Variants in TAPT1 observed in about 807,000 individuals in gnomAD.
The protein encoded by TAPT1 is transmembrane anterior posterior transformation protein 1 homolog.
A neutral mutation model predicts 65.6 loss-of-function variants in TAPT1; 28 were observed. The observed-to-expected ratio is 0.43, with a 90% CI of 0.32 to 0.59. The LOEUF is 0.59. Among genes scored for constraint, TAPT1 ranks in the 20% least tolerant of loss-of-function variants. The pLI is 0.09. For synonymous variants in TAPT1, 278 were observed against 245.2 expected, an observed-to-expected ratio of 1.13 and a Z score of -1.25; for missense variants, 563 against 679.9, an observed-to-expected ratio of 0.83 and a Z score of 1.91.
At chr4:16,167,979 T>C (rs369081327) in intron 12 of TAPT1, among the ~76,000 whole-genome samples, 1 of 152,330 alleles carries the variant, frequency 6.6e-6, no homozygotes, top group East Asian at 1.9e-4. Flanking sequence ...TAGATACCTA[T>C]GACTACAGAA....
intron 1 of TAPT1, among the ~76,000 whole-genome samples, chr4:16,215,784 T>C (rs1344326945): frequency 6.6e-6 from 1 of 152,140 alleles, no homozygotes; most frequent in Non-Finnish European, 1.5e-5. Flanking sequence ...CCACATAGAG[T>C]AGAACTTCTG....
At position 16,166,991 on chromosome 4, in the gene TAPT1, C is replaced by CTTTTTTTT. The variant is rs5856341; in HGVS notation, c.1314-206_1314-199dup. 2.3e-3 allele frequency: 376 copies of CTTTTTTTT among 160,582 alleles called. 1 individual carries two copies. Among genetic ancestry groups the CTTTTTTTT allele is most frequent in the South Asian group, 6.2e-3 (68 of 10,920 alleles). 9.9% of individuals were successfully genotyped at this position (160,582 alleles called of 1,614,324 possible). On this transcript the variant is annotated intron_variant, in intron 12 of 13. Transcript: ENST00000405303. ...AAAAACTTCGGAATTCCTTAGTTCT[C>CTTTTTTTT]TTTTTTTTTTTTTTTTTTTTTGAGA...
intron 4 of TAPT1, 27 bp downstream of exon 4, chr4:16,191,334 C>T: frequency 6.3e-7 from 1 of 1,581,370 alleles, no homozygotes. Context: ...CCTGGCCAGG[C>T]CTGTGCGGGG....
At chr4:16,189,637 A>C (rs1359985882) in intron 4 of TAPT1, among the ~76,000 whole-genome samples, 1 of 152,228 alleles carries the variant, frequency 6.6e-6, no homozygotes, top group Non-Finnish European at 1.5e-5. Context: ...TAATAAAGGA[A>C]GGACTAGGAT....
chr4:16,164,081 G>A (rs546044599), intron 13 of TAPT1, among the ~76,000 whole-genome samples: 9 of 152,234 alleles, frequency 5.9e-5, no homozygotes, highest in African/African-American at 2.2e-4. Context: ...CCTGGCTTTG[G>A]GGACAGCTGG....
intron 3 of TAPT1, among the ~76,000 whole-genome samples, chr4:16,200,328 T>C (rs928360805): frequency 5.3e-5 from 8 of 152,138 alleles, no homozygotes; most frequent in Admixed American, 4.6e-4. Context: ...ATTAGTTATT[T>C]TCTTTCTTTA....
intron 3 of TAPT1, among the ~76,000 whole-genome samples, chr4:16,194,077 GAAC>G (rs1749545871): frequency 2.0e-5 from 3 of 152,170 alleles, no homozygotes; most frequent in South Asian, 4.1e-4. Flanking sequence ...TTGAATCAAA[GAAC>G]AACGTGTTAG....
In TAPT1 at chr4:16,163,448, T is replaced by A; in HGVS notation, c.1564A>T (p.Asn522Tyr). 1.2e-6 allele frequency: 2 copies of A among 1,614,036 alleles called. No homozygotes were observed. Among genetic ancestry groups the A allele is most frequent in the Non-Finnish European group, 1.7e-6 (2 of 1,179,886 alleles). Residue 522 changes from asparagine (N) to tyrosine (Y), a missense_variant, in exon 14 of 14, where the codon AAT becomes TAT. Asn to Tyr is a moderately radical substitution (Grantham distance 143). This residue lies in a region of TAPT1 where 136 missense variants were observed against 153.9 expected (regional missense o/e 0.88). Coordinates refer to ENST00000405303, the MANE Select transcript of TAPT1 (RefSeq NM_153365.3). ...ENIIPLLVTS[N>Y]SDQFLTTPDG... is the part of the protein sequence containing the mutation. ...GGAGTTGTCAAAAACTGATCAGAATTGCTTGTCACAAGTAATGGTATGATA... is the reference window on the plus strand; with the variant it reads ...GGAGTTGTCAAAAACTGATCAGAATAGCTTGTCACAAGTAATGGTATGATA...
rs571476426 is a variant in TAPT1 at position 16,209,023 on chromosome 4, C to A, written c.330+4745G>T. Reference sequence around the variant, plus strand: ...GGACTACAGGCGTGCACTACCACTCCTGGCTAATTTTTGTATTTTTTGTAG... The same window carrying A: ...GGACTACAGGCGTGCACTACCACTCATGGCTAATTTTTGTATTTTTTGTAG... On this transcript the variant is annotated intron_variant, in intron 2 of 13. Transcript: ENST00000405303. Among the ~76,000 whole-genome samples the A allele has an allele frequency of 2.6e-4, 40 of 152,228 alleles. No homozygotes were observed. In the South Asian group the frequency reaches 6.4e-3, roughly 25 times the overall value.
chr4:16,221,482 A>G (rs1751253143), intron 1 of TAPT1, among the ~76,000 whole-genome samples: 1 of 152,212 alleles, frequency 6.6e-6, no homozygotes, highest in Non-Finnish European at 1.5e-5. Context: ...TCTGTGATCC[A>G]GAACTTAAAT....
At chr4:16,163,583 A>G (rs1425066853) in intron 13 of TAPT1, 46 bp from the exon 14 acceptor site, 2 of 1,447,364 alleles carry the variant, frequency 1.4e-6, no homozygotes, top group African/African-American at 2.8e-5. Flanking sequence ...CTTTTCTCCA[A>G]TTATTAATAA....
intron 1 of TAPT1, among the ~76,000 whole-genome samples, chr4:16,218,310 C>G (rs1347067942): frequency 1.3e-5 from 2 of 152,148 alleles, no homozygotes; most frequent in Non-Finnish European, 2.9e-5. Flanking sequence ...GAGGCTGAGG[C>G]AGGAGAATCA....
At chr4:16,188,432 A>T in intron 4 of TAPT1, 77 bp from the exon 5 acceptor site, 1 of 1,176,578 alleles carries the variant, frequency 8.5e-7, no homozygotes, top group South Asian at 1.9e-5. Flanking sequence ...ATATAGCTCA[A>T]ATCCTGGAGA....
intron 13 of TAPT1, 45 bp downstream of exon 13, chr4:16,166,588 T>C: frequency 6.3e-7 from 1 of 1,595,968 alleles, no homozygotes; most frequent in Non-Finnish European, 8.6e-7. Context: ...GTGATTTAAC[T>C]CTTTGAAAAT....
chr4:16,204,287 C>G (rs770346622), intron 2 of TAPT1, among the ~76,000 whole-genome samples: 1 of 152,208 alleles, frequency 6.6e-6, no homozygotes, highest in Non-Finnish European at 1.5e-5. Flanking sequence ...CCTTCCTAGG[C>G]AGCTTCCAAA....
intron 1 of TAPT1, among the ~76,000 whole-genome samples, chr4:16,215,020 G>A (rs988618587): frequency 5.9e-5 from 9 of 152,122 alleles, no homozygotes; most frequent in Non-Finnish European, 1.0e-4. Context: ...GGCCAGGCAC[G>A]GTGGCTCACG....
chr4:16,219,979 C>T (rs1168115403), intron 1 of TAPT1, among the ~76,000 whole-genome samples: 1 of 152,198 alleles, frequency 6.6e-6, no homozygotes, highest in African/African-American at 2.4e-5. Context: ...GCCTCACTGC[C>T]AGAGCCATCG....
rs1022140579 is a variant in TAPT1 at position 16,177,623 on chromosome 4, T to A, written c.998-1395A>T. 1.3e-5 allele frequency among the ~76,000 whole-genome samples: 2 copies of A among 152,136 alleles called. 1 individual carries two copies. Among genetic ancestry groups the A allele is most frequent in the Non-Finnish European group, 2.9e-5 (2 of 68,024 alleles). On this transcript the variant is annotated intron_variant, in intron 8 of 13. Transcript: ENST00000405303. Reference sequence around the variant, plus strand: ...ATCCACATCACTAGCAAAGGGCAAGTTTCTTAATGAGCTAAATTCCAGCTT... The same window carrying A: ...ATCCACATCACTAGCAAAGGGCAAGATTCTTAATGAGCTAAATTCCAGCTT...
chr4:16,166,970 A>C, intron 12 of TAPT1, 177 bp from the exon 13 acceptor site: 1 of 480,110 alleles, frequency 2.1e-6, no homozygotes, highest in Non-Finnish European at 3.6e-6. Flanking sequence ...ACAAAGAAAA[A>C]CTTCGGAATT....
Sources: allele counts gnomAD v4.1 joint callset (sites outside exome capture counted in the v4.1 genomes callset), GRCh38; gene constraint gnomAD v4.1.1; regional missense constraint gnomAD v4.1.1; transcripts MANE v1.5; gene names NCBI Gene and HGNC (gene_info 2026-07-23, HGNC 2026-07-21).